Variants in ADAT2 observed in about 807,000 individuals in gnomAD.
The protein encoded by ADAT2 is tRNA-specific adenosine-34 deaminase catalytic subunit ADAT2.
A neutral mutation model predicts 25.9 loss-of-function variants in ADAT2; 26 were observed. The observed-to-expected ratio is 1.00, with a 90% CI of 0.74 to 1.39. The LOEUF (loss-of-function observed/expected upper bound fraction) is 1.39, where lower values mean the gene tolerates loss of function less well. Among genes scored for constraint, ADAT2 ranks in the 40% most tolerant of loss-of-function variants. The probability of loss-of-function intolerance (pLI) is 0.00; values close to 1 mark genes in which losing one functional copy is unlikely to be tolerated. For missense variants in ADAT2, 220 were observed against 244.8 expected (o/e 0.90, Z 0.68); for synonymous variants, 76 against 86.8 (o/e 0.88, Z 0.69).
chr6:143,448,239 C>G, intron 1 of ADAT2, among the ~76,000 whole-genome samples: 1 of 150,592 alleles, frequency 6.6e-6, no homozygotes, highest in South Asian at 2.1e-4. Context: ...CATCACACAC[C>G]GGGGCCTGTC....
At chr6:143,447,325 T>C (rs1779626701) in intron 1 of ADAT2, among the ~76,000 whole-genome samples, 1 of 152,210 alleles carries the variant, frequency 6.6e-6, no homozygotes, top group African/African-American at 2.4e-5. Context: ...CAGGAATATC[T>C]ATATAATTTC....
Position 143,450,678 on chromosome 6 carries a change from A to G in ADAT2, c.-20T>C, listed in dbSNP as rs776862063. 8.7e-6 allele frequency: 14 copies of G among 1,611,190 alleles called. No individual in the cohort carries two copies. The highest frequency in any genetic ancestry group is 1.2e-5 in the Non-Finnish European group (14 of 1,179,402). ...CTCCATACCCAGCCACCACTCAGCT[A>G]CAGAGCCCGCGGCAGAGGAGGAGCG... On this transcript the variant is annotated 5_prime_UTR_variant, in exon 1 of 6. Coordinates refer to ENST00000237283, the MANE Select transcript of ADAT2 (RefSeq NM_182503.3).
At position 143,424,645 on chromosome 6, in the gene ADAT2, T is replaced by C. The variant is rs893205693; in HGVS notation, c.*3818A>G. The stretch of plus-strand genomic sequence containing the variant: ...ATGAAATTTATATAATTATTACTTT[T>C]GCTGAGGAGGAAATTAGGAAGGAAA... On this transcript the variant is annotated 3_prime_UTR_variant, in exon 6 of 6. Coordinates refer to ENST00000237283, the MANE Select transcript of ADAT2 (RefSeq NM_182503.3). This position sits in a 1 kb window ranked among gnomAD's most constrained non-coding sequence, Gnocchi z 4.8. 2.0e-5 allele frequency: 3 copies of C among 152,232 alleles called. No homozygotes were observed. The East Asian group carries it at 5.8e-4, about 29-fold the overall frequency. 9.4% of individuals were successfully genotyped at this position (152,232 alleles called of 1,614,324 possible).
Position 143,436,756 on chromosome 6 carries a change from AT to A in ADAT2, c.201+1833del, listed in dbSNP as rs558369749. Reference sequence around the variant, plus strand: ...AGGGCGGGGGTGGTATGAATTCTTCATTTGCCCACAATGTGTTCTGTGATAG... The same window carrying A: ...AGGGCGGGGGTGGTATGAATTCTTCATTGCCCACAATGTGTTCTGTGATAG... On this transcript the variant is annotated intron_variant, in intron 2 of 5. Transcript: ENST00000237283. The surrounding 1 kb of genome is among the most constrained non-coding windows in gnomAD (Gnocchi z 4.1). 525 of 163,286 alleles carry A rather than the reference AT, an allele frequency of 3.2e-3. No individual in the cohort carries two copies. Among genetic ancestry groups the A allele is most frequent in the Non-Finnish European group, 4.9e-3 (366 of 75,342 alleles). The allele number at this position is 163,286 out of a possible 1,614,324, so 10.1% of individuals were successfully genotyped here. A position where few individuals can be genotyped will look rare whatever the true frequency, so the allele number is the denominator to read the frequency against.
At chr6:143,435,659 T>C (rs1217568869) in intron 2 of ADAT2, among the ~76,000 whole-genome samples, 9 of 152,270 alleles carry the variant, frequency 5.9e-5, no homozygotes, top group Non-Finnish European at 1.0e-4. Context: ...TAAGTATCTA[T>C]ACATTCATTA....
chr6:143,449,314 A>G (rs1688984481), intron 1 of ADAT2, among the ~76,000 whole-genome samples: 1 of 152,086 alleles, frequency 6.6e-6, no homozygotes, highest in African/African-American at 2.4e-5. Context: ...TGCCTTCCAA[A>G]GTTTTGGGAT....
chr6:143,443,917 A>G lies in ADAT2; in HGVS notation c.97-5223T>C, dbSNP rs115118134. Among the ~76,000 whole-genome samples, 288 of 152,094 alleles carry G rather than the reference A, an allele frequency of 1.9e-3. 1 individual carries two copies. Among genetic ancestry groups the G allele is most frequent in the African/African-American group, 6.8e-3 (281 of 41,480 alleles). On this transcript the variant is annotated intron_variant, in intron 1 of 5. Coordinates refer to ENST00000237283, the MANE Select transcript of ADAT2 (RefSeq NM_182503.3). ...TGTGATCAGGATTTTCTGTAAAAAT[A>G]TCTCCTGAAGAGCTCTACATTGGCT... is the stretch of plus-strand genomic sequence containing the variant.
rs1201811520 is a variant in ADAT2, at chr6:143,442,859, T to C, written c.97-4165A>G. Among the ~76,000 whole-genome samples, 1 of 152,170 alleles carries C rather than the reference T, an allele frequency of 6.6e-6. No homozygotes were observed. The highest frequency in any genetic ancestry group is 2.4e-5 in the African/African-American group (1 of 41,428). On this transcript the variant is annotated intron_variant, in intron 1 of 5. Coordinates refer to ENST00000237283, the MANE Select transcript of ADAT2 (RefSeq NM_182503.3). The surrounding 1 kb of genome is among the most constrained non-coding windows in gnomAD (Gnocchi z 4.6). ...CTAATTCAGCAAGGTGGTGGCAATT[T>C]AGGTGGAATGGTGGAGATGAAAACC... is the stretch of plus-strand genomic sequence containing the variant.
chr6:143,428,364 A>G lies in ADAT2; in HGVS notation c.*99T>C. The stretch of plus-strand genomic sequence containing the variant: ...GACACCATTTTCCTGCAGATTAAAA[A>G]CAATATATAAACATATGATTCAACG... On this transcript the variant is annotated 3_prime_UTR_variant, in exon 6 of 6. Coordinates refer to ENST00000237283, the MANE Select transcript of ADAT2 (RefSeq NM_182503.3). This position sits in a 1 kb window ranked among gnomAD's most constrained non-coding sequence, Gnocchi z 5.0. The G allele has an allele frequency of 1.5e-6, 2 of 1,351,130 alleles. No individual in the cohort carries two copies. Among genetic ancestry groups the G allele is most frequent in the Non-Finnish European group, 2.0e-6 (2 of 976,616 alleles). 83.7% of individuals were successfully genotyped at this position (1,351,130 alleles called of 1,614,324 possible). A position where few individuals can be genotyped will look rare whatever the true frequency, so the allele number is the denominator to read the frequency against.
In ADAT2 at chr6:143,436,372, C is replaced by T. The variant is rs995078321; in HGVS notation, c.201+2218G>A. The T allele has an allele frequency of 3.8e-6, 1 of 264,614 alleles. No homozygotes were observed. The highest frequency in any genetic ancestry group is 4.8e-5 in the South Asian group (1 of 20,872). The allele number at this position is 264,614 out of a possible 1,614,324, so 16.4% of individuals were successfully genotyped here. On this transcript the variant is annotated intron_variant, in intron 2 of 5. Transcript: ENST00000237283. This position sits in a 1 kb window ranked among gnomAD's most constrained non-coding sequence, Gnocchi z 4.1. ...GGTAGAGGAGAAAATGCTTCATGTC[C>T]AAACCAAGAACAGCAGCTACTTTGC...
intron 2 of ADAT2, among the ~76,000 whole-genome samples, chr6:143,435,165 A>T (rs1246644412): frequency 6.6e-6 from 1 of 151,972 alleles, no homozygotes; most frequent in African/African-American, 2.4e-5. Flanking sequence ...TTTAAAAAAA[A>T]AAAAAAAAAA....
At position 143,432,641 on chromosome 6, in the gene ADAT2, T is replaced by G. The variant is rs369075780; in HGVS notation, c.353-30A>C. The G allele has an allele frequency of 1.9e-6, 3 of 1,602,802 alleles. No homozygotes were observed. Among genetic ancestry groups the G allele is most frequent in the Non-Finnish European group, 2.6e-6 (3 of 1,169,976 alleles). On this transcript the variant is annotated intron_variant, in intron 3 of 5. Transcript: ENST00000237283. This position sits in a 1 kb window ranked among gnomAD's most constrained non-coding sequence, Gnocchi z 4.4. ...GACAGAATTAAGGTCCTGCATAGAA[T>G]GTACATTTCAAGTATGTATCGTGAC...
chr6:143,435,134 A>ACAC (rs1267657902), intron 2 of ADAT2, among the ~76,000 whole-genome samples: 1 of 149,960 alleles, frequency 6.7e-6, no homozygotes, highest in African/African-American at 2.5e-5. Context: ...ACCTGGCTGC[A>ACAC]CACCAAAACT....
Position 143,436,321 on chromosome 6 carries a change from T to C in ADAT2, c.201+2269A>G, listed in dbSNP as rs1412194314. ...CCTCTATCTAACAGAGGCTGCCATT[T>C]TCAGGGGCTGGATGTCCATGAGGGA... On this transcript the variant is annotated intron_variant, in intron 2 of 5. Transcript: ENST00000237283. The surrounding 1 kb of genome is among the most constrained non-coding windows in gnomAD (Gnocchi z 4.1). 2 of 238,486 alleles carry C rather than the reference T, an allele frequency of 8.4e-6. No homozygotes were observed. Among genetic ancestry groups the C allele is most frequent in the East Asian group, 2.1e-4 (2 of 9,578 alleles). The allele number at this position is 238,486 out of a possible 1,614,324, so 14.8% of individuals were successfully genotyped here.
In ADAT2 at chr6:143,437,039, A is replaced by C. The variant is rs1779308058; in HGVS notation, c.201+1551T>G. On this transcript the variant is annotated intron_variant, in intron 2 of 5. Transcript: ENST00000237283. This position sits in a 1 kb window ranked among gnomAD's most constrained non-coding sequence, Gnocchi z 4.1. ...TTTTTCTTTCTAATTCTACACTTCGATCTACTATTTTTCATAAGCAAATTG... is the reference window on the plus strand; with the variant it reads ...TTTTTCTTTCTAATTCTACACTTCGCTCTACTATTTTTCATAAGCAAATTG... Among the ~76,000 whole-genome samples, 1 of 151,472 alleles carries C rather than the reference A, an allele frequency of 6.6e-6. No homozygotes were observed. The highest frequency in any genetic ancestry group is 1.5e-5 in the Non-Finnish European group (1 of 67,804).
intron 1 of ADAT2, among the ~76,000 whole-genome samples, chr6:143,447,274 A>G (rs1779626153): frequency 6.6e-6 from 1 of 152,210 alleles, no homozygotes; most frequent in Non-Finnish European, 1.5e-5. Flanking sequence ...ACATGTGGTT[A>G]GTGGCTACGA....
At chr6:143,431,656 C>A (rs531595045) in intron 4 of ADAT2, among the ~76,000 whole-genome samples, 2 of 152,318 alleles carry the variant, frequency 1.3e-5, no homozygotes, top group African/African-American at 4.8e-5. Context: ...AAAACTCGTT[C>A]TCAGTGAGAC....
chr6:143,429,815 G>GA (rs1562636090), intron 4 of ADAT2, among the ~76,000 whole-genome samples: 1 of 152,126 alleles, frequency 6.6e-6, no homozygotes, highest in Non-Finnish European at 1.5e-5. Context: ...TGTTCAGAAC[G>GA]AACCTCCCAT....
intron 1 of ADAT2, among the ~76,000 whole-genome samples, chr6:143,445,386 T>C (rs1326301524): frequency 6.6e-6 from 1 of 152,000 alleles, no homozygotes; most frequent in African/African-American, 2.4e-5. Context: ...CGTTCATAGA[T>C]CCCCCTAAAC....
Sources: gnomAD v4.1 joint callset for allele counts (sites outside exome capture counted in the v4.1 genomes callset) on GRCh38, gnomAD v4.1.1 for gene constraint, Gnocchi (gnomAD v3.1) non-coding constraint, MANE v1.5 for transcripts, NCBI Gene and HGNC (gene_info 2026-07-23, HGNC 2026-07-21) for gene names.